CD247: variants seen among roughly 807,000 people sequenced by gnomAD.
CD247 encodes CD247 molecule, also known as T-cell surface glycoprotein CD3 zeta chain.
CD247 carries 13 observed loss-of-function variants against 30.0 expected under a neutral mutation model. That is an observed-to-expected ratio of 0.43 (90% confidence interval 0.28 to 0.69). CD247 has a LOEUF of 0.69. Ranked by LOEUF, CD247 falls within the 30% of genes least tolerant of loss-of-function variation. CD247 has a pLI of 0.16. For missense variants in CD247, 193 were observed against 212.6 expected, an observed-to-expected ratio of 0.91 and a Z score of 0.57; for synonymous variants, 72 against 80.0, an observed-to-expected ratio of 0.90 and a Z score of 0.53.
chr1:167,468,058 A>G (rs1415828627), intron 1 of CD247, among the ~76,000 whole-genome samples: 2 of 152,184 alleles, frequency 1.3e-5, no homozygotes, highest in East Asian at 3.8e-4. Context: ...TTAAATATTT[A>G]TGAAGATACT....
intron 1 of CD247, among the ~76,000 whole-genome samples, chr1:167,501,053 C>CTTT (rs569489236): frequency 2.4e-5 from 3 of 124,352 alleles, no homozygotes; most frequent in East Asian, 2.3e-4. Context: ...TCCTATTGTT[C>CTTT]TTTTTTTTTT....
At chr1:167,434,392 G>A in intron 5 of CD247, 1 of 434,096 alleles carries the variant, frequency 2.3e-6, no homozygotes. Flanking sequence ...GGCAAAACAA[G>A]GGCTCACCTG....
chr1:167,501,252 T>C (rs1479110562), intron 1 of CD247, among the ~76,000 whole-genome samples: 1 of 150,764 alleles, frequency 6.6e-6, no homozygotes, highest in East Asian at 1.9e-4. Context: ...AGAGACGGGG[T>C]TTCTCCATGT....
chr1:167,444,033 G>A (rs1651959383), intron 1 of CD247, among the ~76,000 whole-genome samples: 1 of 152,194 alleles, frequency 6.6e-6, no homozygotes, highest in Non-Finnish European at 1.5e-5. Context: ...GCGTGCAGGT[G>A]GGTTCGAGTA....
chr1:167,486,497 A>G (rs1353031227), intron 1 of CD247, among the ~76,000 whole-genome samples: 1 of 152,222 alleles, frequency 6.6e-6, no homozygotes, highest in Non-Finnish European at 1.5e-5. Context: ...CAGCAGCAGA[A>G]CTAGCACTAA....
chr1:167,479,554 C>T (rs1311275523), intron 1 of CD247, among the ~76,000 whole-genome samples: 2 of 152,172 alleles, frequency 1.3e-5, no homozygotes, highest in East Asian at 1.9e-4. Flanking sequence ...GTTCAAAAAT[C>T]ACCCCAGGAG....
intron 1 of CD247, among the ~76,000 whole-genome samples, chr1:167,454,684 T>G (rs1652547451): frequency 6.6e-6 from 1 of 152,266 alleles, no homozygotes; most frequent in South Asian, 2.1e-4. Flanking sequence ...TATCCAGTGC[T>G]GTAAGGACGA....
At chr1:167,458,586 C>G (rs1410547517) in intron 1 of CD247, 1 of 152,082 alleles carries the variant, frequency 6.6e-6, no homozygotes, top group Non-Finnish European at 1.5e-5. Flanking sequence ...ACTCATCTTT[C>G]AAGGCTCGGC....
Position 167,494,960 on chromosome 1 carries a change from A to C in CD247, c.58+23448T>G, listed in dbSNP as rs955430028. On this transcript the variant is annotated intron_variant, in intron 1 of 7. Coordinates refer to ENST00000362089, the MANE Select transcript of CD247 (RefSeq NM_198053.3). This position sits in a 1 kb window ranked among gnomAD's most constrained non-coding sequence, Gnocchi z 7.3. ...TGGACTCTGTTCTCTCCCCACCTGGACCTTGTGTCCGAGGAGCAGTGTTGG... is the reference window on the plus strand; with the variant it reads ...TGGACTCTGTTCTCTCCCCACCTGGCCCTTGTGTCCGAGGAGCAGTGTTGG... 1.1e-4 allele frequency among the ~76,000 whole-genome samples: 17 copies of C among 152,288 alleles called. No individual in the cohort carries two copies. The highest frequency in any genetic ancestry group is 4.1e-4 in the African/African-American group (17 of 41,558).
At chr1:167,434,184 CAGGG>C (rs35013669) in intron 5 of CD247, 108 bp from the exon 6 acceptor site, 53 of 968,514 alleles carry the variant, frequency 5.5e-5, no homozygotes, top group Non-Finnish European at 8.0e-5. Flanking sequence ...CAGTGGCAGA[CAGGG>C]AGGGCTCCCA....
At chr1:167,500,795 G>T (rs753894243) in intron 1 of CD247, among the ~76,000 whole-genome samples, 5 of 152,190 alleles carry the variant, frequency 3.3e-5, no homozygotes, top group Non-Finnish European at 7.3e-5. Flanking sequence ...TAGTAAGAGG[G>T]TTATCGGCCT....
At chr1:167,459,348 C>CTTTTTT (rs34706916) in intron 1 of CD247, among the ~76,000 whole-genome samples, 20 of 80,420 alleles carry the variant, frequency 2.5e-4, no homozygotes, top group East Asian at 1.6e-3. Context: ...CCTTACAACT[C>CTTTTTT]TTTTTTTTTT....
intron 1 of CD247, among the ~76,000 whole-genome samples, chr1:167,451,401 G>A (rs1321438340): frequency 6.6e-6 from 1 of 152,166 alleles, no homozygotes. Flanking sequence ...GCCCCGGCAA[G>A]CCCCAGGACA....
At chr1:167,446,720 G>A (rs995295321) in intron 1 of CD247, among the ~76,000 whole-genome samples, 2 of 152,162 alleles carry the variant, frequency 1.3e-5, no homozygotes, top group Non-Finnish European at 2.9e-5. Context: ...GGGGCCAGGC[G>A]CGGTGGCTCA....
chr1:167,431,691 G>T lies in CD247; in HGVS notation c.485C>A (p.Pro162His). 6.2e-7 allele frequency: 1 copy of T among 1,613,984 alleles called. No individual in the cohort carries two copies. The highest frequency in any genetic ancestry group is 8.5e-7 in the Non-Finnish European group (1 of 1,179,830). ...GAAATCCCCTGGCTGTTAGCGAGGG[G>T]GCAGGGCCTGCATGTGAAGGGCGTC... The part of the protein sequence containing the change: ...TYDALHMQAL[P>H]PR The change falls in exon 8 of 8, where the codon CCC becomes CAC. Residue 162 changes from proline to histidine, a missense_variant. Transcript: ENST00000362089.
intron 1 of CD247, among the ~76,000 whole-genome samples, chr1:167,492,796 G>GC (rs1036809492): frequency 3.3e-5 from 5 of 152,092 alleles, no homozygotes; most frequent in East Asian, 1.9e-4. Flanking sequence ...GTGTTCAGGG[G>GC]CCCCCCCAGA....
intron 1 of CD247, among the ~76,000 whole-genome samples, chr1:167,486,118 G>A (rs1463060975): frequency 3.9e-5 from 6 of 152,208 alleles, no homozygotes; most frequent in African/African-American, 1.4e-4. Flanking sequence ...CAAGAGAACA[G>A]GCATTGTCAG....
chr1:167,512,821 C>T (rs930419746), intron 1 of CD247, among the ~76,000 whole-genome samples: 1 of 152,192 alleles, frequency 6.6e-6, no homozygotes, highest in Non-Finnish European at 1.5e-5. Flanking sequence ...GAGGGGAAGG[C>T]GGCTCAGGAC....
At chr1:167,470,032 G>C (rs1653436363) in intron 1 of CD247, among the ~76,000 whole-genome samples, 1 of 152,140 alleles carries the variant, frequency 6.6e-6, no homozygotes, top group African/African-American at 2.4e-5. Flanking sequence ...TCTTGCCTCA[G>C]CCTCCTAAGT....
Sources: allele counts gnomAD v4.1 joint callset (sites outside exome capture counted in the v4.1 genomes callset), GRCh38; gene constraint gnomAD v4.1.1; non-coding constraint Gnocchi (gnomAD v3.1); transcripts MANE v1.5; gene names NCBI Gene and HGNC (gene_info 2026-07-23, HGNC 2026-07-21).